WDR43: variants seen among roughly 807,000 people sequenced by gnomAD.
WDR43 encodes WD repeat domain 43.
Under a neutral mutation model 91.4 loss-of-function variants are expected in WDR43, and 13 were observed. The ratio of observed to expected loss-of-function variants is 0.14; its 90% CI spans 0.09 to 0.23. The LOEUF (loss-of-function observed/expected upper bound fraction) is 0.23. Ranked by LOEUF, WDR43 falls within the 10% of genes least tolerant of loss-of-function variation. The pLI, the probability that WDR43 is intolerant of heterozygous loss-of-function variation, is 1.00. For synonymous variants in WDR43, 331 were observed against 287.9 expected (o/e 1.15, Z -1.51); for missense variants, 780 against 809.4 (o/e 0.96, Z 0.44).
intron 1 of WDR43, among the ~76,000 whole-genome samples, chr2:28,896,759 G>A (rs1279623896): frequency 6.6e-6 from 1 of 152,132 alleles, no homozygotes; most frequent in African/African-American, 2.4e-5. Flanking sequence ...TGGTAAACTA[G>A]AAAAATAACT....
At chr2:28,910,623 T>C (rs114351789) in intron 3 of WDR43, among the ~76,000 whole-genome samples, 3,768 of 150,862 alleles carry the variant, frequency 0.025, 67 homozygotes, top group Non-Finnish European at 0.035. Flanking sequence ...ATATTTTTGA[T>C]ACTTTTTTCT....
chr2:28,946,772 A>G lies in WDR43; in HGVS notation c.2027A>G (p.Glu676Gly). 1 of 1,577,512 alleles carries G rather than the reference A, an allele frequency of 6.3e-7. No individual in the cohort carries two copies. Among genetic ancestry groups the G allele is most frequent in the Non-Finnish European group, 8.6e-7 (1 of 1,163,250 alleles). Reference protein sequence around the residue: ...SDLDPENESEEE With the variant: ...SDLDPENESEGE ...TTAGATCCTGAAAATGAAAGTGAAG[A>G]AGAATGAAGACAGCAAAGCAAGCCG... The change falls in exon 18 of 18, where the codon GAA becomes GGA. Residue 676 changes from glutamate (E) to glycine (G), a missense_variant. Physicochemically the swap from Glu to Gly is moderately conservative, Grantham distance 98. Transcript: ENST00000407426.
At chr2:28,920,631 G>C (rs1055742493) in intron 6 of WDR43, among the ~76,000 whole-genome samples, 1 of 152,096 alleles carries the variant, frequency 6.6e-6, no homozygotes, top group Non-Finnish European at 1.5e-5. Context: ...CCTTGGAGTA[G>C]CAAAACTTGC....
intron 6 of WDR43, 72 bp from the exon 7 acceptor site, chr2:28,922,847 A>G (rs2148190057): frequency 9.8e-7 from 1 of 1,017,822 alleles, no homozygotes; most frequent in Non-Finnish European, 1.4e-6. Context: ...AGGACAGCTG[A>G]GTTTTCATAA....
At chr2:28,927,476 G>A in intron 9 of WDR43, 93 bp from the exon 10 acceptor site, 1 of 1,425,556 alleles carries the variant, frequency 7.0e-7, no homozygotes, top group Non-Finnish European at 9.5e-7. Flanking sequence ...TTTTCCAATA[G>A]AGGAGCCCTT....
intron 7 of WDR43, 95 bp from the exon 8 acceptor site, chr2:28,924,887 G>A: frequency 2.1e-6 from 3 of 1,452,380 alleles, no homozygotes; most frequent in South Asian, 1.3e-5. Flanking sequence ...AGAGGCTAGA[G>A]GGGGGTCACA....
intron 11 of WDR43, among the ~76,000 whole-genome samples, chr2:28,934,440 A>G (rs1156452765): frequency 6.6e-6 from 1 of 152,238 alleles, no homozygotes; most frequent in Admixed American, 6.5e-5. Flanking sequence ...GTACTGCAGT[A>G]AAGTTGTAAA....
chr2:28,939,487 G>A (rs190357835), intron 14 of WDR43, among the ~76,000 whole-genome samples: 45 of 152,314 alleles, frequency 3.0e-4, no homozygotes, highest in African/African-American at 9.6e-4. Flanking sequence ...CCCTCAGCCC[G>A]TAGCAGTTAT....
At chr2:28,925,514 CTT>C (rs772770561) in intron 8 of WDR43, among the ~76,000 whole-genome samples, 1 of 152,102 alleles carries the variant, frequency 6.6e-6, no homozygotes, top group Non-Finnish European at 1.5e-5. Flanking sequence ...ACAGGTATGA[CTT>C]ATGTTGAATT....
intron 16 of WDR43, among the ~76,000 whole-genome samples, chr2:28,946,194 G>A (rs1018604148): frequency 2.6e-5 from 4 of 151,834 alleles, no homozygotes; most frequent in Admixed American, 6.6e-5. Flanking sequence ...TGGGTGTGGC[G>A]GCTACTCAGG....
chr2:28,915,115 T>A (rs976781940), intron 5 of WDR43, among the ~76,000 whole-genome samples: 2 of 152,176 alleles, frequency 1.3e-5, no homozygotes, highest in African/African-American at 2.4e-5. Context: ...TATGAATTTA[T>A]ACAAGATAAT....
At chr2:28,897,836 G>A (rs147279361) in intron 1 of WDR43, among the ~76,000 whole-genome samples, 102 of 152,240 alleles carry the variant, frequency 6.7e-4, no homozygotes, top group Admixed American at 1.3e-3. Context: ...CTTTGCATTC[G>A]TGCCACAATA....
intron 5 of WDR43, among the ~76,000 whole-genome samples, chr2:28,914,432 A>T (rs1199517979): frequency 6.6e-6 from 1 of 152,214 alleles, no homozygotes; most frequent in Non-Finnish European, 1.5e-5. Flanking sequence ...GATACAGTGG[A>T]CTGAACATTT....
At position 28,926,458 on chromosome 2, in the gene WDR43, A is replaced by G. The variant is rs1671144620; in HGVS notation, c.1087-10A>G. 1.3e-6 allele frequency: 2 copies of G among 1,522,924 alleles called. No individual in the cohort carries two copies. The highest frequency in any genetic ancestry group is 8.8e-7 in the Non-Finnish European group (1 of 1,131,596). 94.3% of individuals were successfully genotyped at this position (1,522,924 alleles called of 1,614,324 possible). On this transcript the variant is annotated splice_polypyrimidine_tract_variant and intron_variant, in intron 8 of 17. Transcript: ENST00000407426. ...TCTCATCTTCCCCTTTAAAAAAAAT[A>G]TATTTTCAGGCTTTAAACTCCAGAG...
chr2:28,899,832 A>G (rs1261172281), intron 1 of WDR43, among the ~76,000 whole-genome samples: 1 of 152,202 alleles, frequency 6.6e-6, no homozygotes, highest in African/African-American at 2.4e-5. Flanking sequence ...ATCCAACCTG[A>G]AAAATAAATG....
At chr2:28,934,007 A>G (rs1290550344) in intron 11 of WDR43, among the ~76,000 whole-genome samples, 1 of 152,242 alleles carries the variant, frequency 6.6e-6, no homozygotes, top group African/African-American at 2.4e-5. Flanking sequence ...TAACACACAT[A>G]CGTTCATACA....
intron 2 of WDR43, 94 bp downstream of exon 2, chr2:28,902,218 G>GA: frequency 7.4e-7 from 1 of 1,353,240 alleles, no homozygotes; most frequent in South Asian, 1.6e-5. Flanking sequence ...TATGTGATGG[G>GA]ATCTGTGCAG....
At chr2:28,935,949 C>T (rs182770571) in intron 12 of WDR43, among the ~76,000 whole-genome samples, 1 of 152,198 alleles carries the variant, frequency 6.6e-6, no homozygotes, top group African/African-American at 2.4e-5. Flanking sequence ...ACATAAAGCT[C>T]CCAAATTCTC....
chr2:28,941,882 A>G (rs1373014648), intron 15 of WDR43, among the ~76,000 whole-genome samples: 1 of 152,182 alleles, frequency 6.6e-6, no homozygotes, highest in Non-Finnish European at 1.5e-5. Flanking sequence ...GGCGTGACCC[A>G]CCACGCCTGG....
Sources: allele counts gnomAD v4.1 joint callset (sites outside exome capture counted in the v4.1 genomes callset), GRCh38; gene constraint gnomAD v4.1.1; transcripts MANE v1.5; gene names NCBI Gene and HGNC (gene_info 2026-07-23, HGNC 2026-07-21).